Variants in NLK observed in about 807,000 individuals in gnomAD.
The protein encoded by NLK is nemo like kinase.
Under a neutral mutation model 59.0 loss-of-function variants are expected in NLK, and 11 were observed. The observed-to-expected ratio is 0.19, with a 90% confidence interval of 0.12 to 0.31. The LOEUF (loss-of-function observed/expected upper bound fraction) is 0.31, where lower values mean the gene tolerates loss of function less well. Among genes scored for constraint, NLK ranks in the 10% least tolerant of loss-of-function variants. The pLI is 1.00. For synonymous variants in NLK, 235 were observed against 235.9 expected (o/e 1.00, Z 0.03); for missense variants, 410 against 661.1 (o/e 0.62, Z 4.16).
intron 1 of NLK, among the ~76,000 whole-genome samples, chr17:28,079,567 A>G (rs942447566): frequency 6.6e-5 from 10 of 152,134 alleles, no homozygotes; most frequent in African/African-American, 2.2e-4. Context: ...CATCCTAGCA[A>G]TACCTCATTG....
At chr17:28,057,204 C>T (rs1023745635) in intron 1 of NLK, among the ~76,000 whole-genome samples, 1 of 152,088 alleles carries the variant, frequency 6.6e-6, no homozygotes, top group Non-Finnish European at 1.5e-5. Flanking sequence ...ATCCACCCGC[C>T]TCGGCCTCCC....
intron 3 of NLK, among the ~76,000 whole-genome samples, chr17:28,144,830 G>T (rs918892267): frequency 2.6e-5 from 4 of 152,184 alleles, no homozygotes; most frequent in Admixed American, 2.0e-4. Context: ...ATAATTGGAG[G>T]ATATGGTGAA....
intron 1 of NLK, among the ~76,000 whole-genome samples, chr17:28,052,893 T>G (rs893762199): frequency 2.6e-5 from 4 of 151,166 alleles, no homozygotes; most frequent in South Asian, 2.1e-4. Flanking sequence ...CTGGTGTTTT[T>G]TTTTTTTTTT....
At chr17:28,084,311 G>A (rs954299662) in intron 1 of NLK, among the ~76,000 whole-genome samples, 1 of 152,180 alleles carries the variant, frequency 6.6e-6, no homozygotes, top group Non-Finnish European at 1.5e-5. Context: ...GTCAAAAAAT[G>A]TTGCAGCACA....
intron 2 of NLK, among the ~76,000 whole-genome samples, chr17:28,129,144 A>T (rs903757939): frequency 1.3e-5 from 2 of 152,154 alleles, no homozygotes; most frequent in African/African-American, 2.4e-5. Flanking sequence ...CAGTGCCAGG[A>T]TGGGTTTTGA....
At chr17:28,064,358 A>G (rs1270768242) in intron 1 of NLK, among the ~76,000 whole-genome samples, 1 of 151,810 alleles carries the variant, frequency 6.6e-6, no homozygotes, top group African/African-American at 2.4e-5. Context: ...TGTATTGCCC[A>G]GGCTGCTCTC....
intron 3 of NLK, among the ~76,000 whole-genome samples, chr17:28,148,585 T>G (rs1359812503): frequency 1.3e-5 from 2 of 152,152 alleles, no homozygotes; most frequent in Admixed American, 6.5e-5. Context: ...TTTCAGTCAT[T>G]GGCCAAAAGG....
chr17:28,090,527 T>TA (rs1264955992), intron 1 of NLK, among the ~76,000 whole-genome samples: 4 of 152,152 alleles, frequency 2.6e-5, no homozygotes, highest in Non-Finnish European at 5.9e-5. Context: ...AATTTTTTTT[T>TA]AATGTCTGAA....
At chr17:28,049,988 A>G (rs1909192630) in intron 1 of NLK, among the ~76,000 whole-genome samples, 1 of 152,158 alleles carries the variant, frequency 6.6e-6, no homozygotes, top group African/African-American at 2.4e-5. Flanking sequence ...CTCAAAAAAT[A>G]TATATATTAT....
At chr17:28,102,353 G>A (rs1363789671) in intron 1 of NLK, among the ~76,000 whole-genome samples, 3 of 152,034 alleles carry the variant, frequency 2.0e-5, no homozygotes, top group African/African-American at 7.2e-5. Flanking sequence ...TTATGTTAAA[G>A]TAGAAAAAAG....
At chr17:28,067,437 A>G (rs1402928678) in intron 1 of NLK, among the ~76,000 whole-genome samples, 1 of 152,170 alleles carries the variant, frequency 6.6e-6, no homozygotes, top group African/African-American at 2.4e-5. Flanking sequence ...CAAAACATGC[A>G]TAAAACAAAT....
intron 1 of NLK, among the ~76,000 whole-genome samples, chr17:28,120,648 T>C (rs1048153333): frequency 2.6e-5 from 4 of 152,014 alleles, no homozygotes; most frequent in Admixed American, 2.0e-4. Flanking sequence ...ACTTGTTTTA[T>C]CAAAATATTG....
chr17:28,106,813 A>G (rs538296381), intron 1 of NLK, among the ~76,000 whole-genome samples: 3 of 152,304 alleles, frequency 2.0e-5, no homozygotes, highest in Admixed American at 1.3e-4. Context: ...CCCATCACCA[A>G]TTATCCAGCT....
At chr17:28,188,028 G>A (rs755494660) in intron 8 of NLK, among the ~76,000 whole-genome samples, 7 of 152,226 alleles carry the variant, frequency 4.6e-5, no homozygotes, top group South Asian at 4.2e-4. Flanking sequence ...GCAACTTAGG[G>A]ATTACAAAAT....
intron 1 of NLK, among the ~76,000 whole-genome samples, chr17:28,107,732 C>A (rs912850055): frequency 1.3e-5 from 2 of 152,110 alleles, no homozygotes; most frequent in Admixed American, 6.5e-5. Context: ...TAATCCATTT[C>A]ATTACTGGGA....
chr17:28,140,821 G>A (rs1388096005), intron 3 of NLK, among the ~76,000 whole-genome samples: 1 of 151,526 alleles, frequency 6.6e-6, no homozygotes, highest in Non-Finnish European at 1.5e-5. Context: ...GAGCTGGGAA[G>A]ACTTACCTGC....
At chr17:28,136,231 C>A (rs1467295862) in intron 3 of NLK, among the ~76,000 whole-genome samples, 1 of 152,164 alleles carries the variant, frequency 6.6e-6, no homozygotes, top group African/African-American at 2.4e-5. Context: ...ATTACTCTCA[C>A]AGTAATTAGC....
chr17:28,157,481 G>A (rs974715490), intron 3 of NLK, among the ~76,000 whole-genome samples: 18 of 151,810 alleles, frequency 1.2e-4, no homozygotes, highest in Admixed American at 2.0e-4. Flanking sequence ...GTGAGCCACC[G>A]CACCCGGCCT....
intron 3 of NLK, among the ~76,000 whole-genome samples, chr17:28,151,863 T>C (rs1215300094): frequency 6.6e-6 from 1 of 152,200 alleles, no homozygotes. Context: ...ATGTAGTCAT[T>C]TGTGCTTAGG....
Sources: gnomAD v4.1 joint callset for allele counts (sites outside exome capture counted in the v4.1 genomes callset) on GRCh38, gnomAD v4.1.1 for gene constraint, MANE v1.5 for transcripts, NCBI Gene and HGNC (gene_info 2026-07-23, HGNC 2026-07-21) for gene names.